Variants in SCN8A observed in about 807,000 individuals in gnomAD.
The protein encoded by SCN8A is sodium channel protein type 8 subunit alpha.
A neutral mutation model predicts 184.1 loss-of-function variants in SCN8A; 30 were observed. The ratio of observed to expected loss-of-function variants is 0.16; its 90% CI spans 0.12 to 0.22. The LOEUF is 0.22. SCN8A is among the 10% of genes least tolerant of loss of function. The pLI is 1.00. For synonymous variants in SCN8A, 852 were observed against 907.0 expected, an observed-to-expected ratio of 0.94 and a Z score of 1.09; for missense variants, 1,057 against 2,498.9, an observed-to-expected ratio of 0.42 and a Z score of 12.30.
chr12:51,629,293 T>C (rs958601998), intron 1 of SCN8A, among the ~76,000 whole-genome samples: 1 of 152,166 alleles, frequency 6.6e-6, no homozygotes, highest in African/African-American at 2.4e-5. Flanking sequence ...AGTGTCTCAA[T>C]CTTGGCCTTT....
At chr12:51,593,225 C>T (rs575301150) in intron 1 of SCN8A, among the ~76,000 whole-genome samples, 6 of 152,224 alleles carry the variant, frequency 3.9e-5, no homozygotes, top group African/African-American at 1.4e-4. Flanking sequence ...GCACGCATTC[C>T]CTGTCCTAGA....
chr12:51,729,094 C>T (rs930954179), intron 12 of SCN8A, among the ~76,000 whole-genome samples: 9 of 152,152 alleles, frequency 5.9e-5, no homozygotes, highest in Admixed American at 2.0e-4. Flanking sequence ...TCTTTATTTC[C>T]ACAATACAGA....
rs771709180 is a variant in SCN8A at position 51,774,224 on chromosome 12, C to T, written c.3681C>T (p.Thr1227=). Residue 1227 remains threonine (T), a synonymous_variant, in exon 20 of 27, where the codon ACC becomes ACT. Transcript: ENST00000627620. ...FEDIYIEQRK[T]IRTILEYADK... is the part of the protein sequence containing the mutation. Reference sequence around the variant, plus strand: ...ACATCTACATTGAGCAGAGAAAGACCATCCGCACCATCCTGGAATATGCTG... The same window carrying T: ...ACATCTACATTGAGCAGAGAAAGACTATCCGCACCATCCTGGAATATGCTG... The T allele has an allele frequency of 4.3e-6, 7 of 1,613,540 alleles. No homozygotes were observed. Among genetic ancestry groups the T allele is most frequent in the Admixed American group, 1.7e-5 (1 of 59,998 alleles).
intron 2 of SCN8A, among the ~76,000 whole-genome samples, chr12:51,678,414 AAAT>A (rs1204550390): frequency 6.6e-6 from 1 of 152,196 alleles, no homozygotes; most frequent in Admixed American, 6.5e-5. Flanking sequence ...GTGAGAGAAT[AAAT>A]AATAATAGGC....
At chr12:51,766,537 A>G (rs1214864823) in intron 16 of SCN8A, among the ~76,000 whole-genome samples, 1 of 152,210 alleles carries the variant, frequency 6.6e-6, no homozygotes, top group Non-Finnish European at 1.5e-5. Flanking sequence ...GTCTGCAGAC[A>G]TTGCCAGATG....
chr12:51,631,089 G>A (rs1025968976), intron 1 of SCN8A, among the ~76,000 whole-genome samples: 1 of 152,178 alleles, frequency 6.6e-6, no homozygotes, highest in African/African-American at 2.4e-5. Context: ...TTGATATCCC[G>A]AGGGCAAGTT....
chr12:51,603,475 A>G (rs749657167), intron 1 of SCN8A, among the ~76,000 whole-genome samples: 2 of 152,224 alleles, frequency 1.3e-5, no homozygotes, highest in Non-Finnish European at 2.9e-5. Flanking sequence ...TCTGGTGATT[A>G]TGAATAGTAC....
At chr12:51,769,481 A>G (rs937281935) in intron 17 of SCN8A, 146 bp downstream of exon 17, 1 of 632,216 alleles carries the variant, frequency 1.6e-6, no homozygotes, top group African/African-American at 1.8e-5. Context: ...CCATCCCAGT[A>G]TCATTCTAGG....
Position 51,808,535 on chromosome 12 carries a change from C to T in SCN8A, c.*1106C>T, listed in dbSNP as rs1938788293. ...GGCTAAAAAAAAAATTCATTTGTATCTTGCAATATTTATGACGATCGTTTA... is the reference window on the plus strand; with the variant it reads ...GGCTAAAAAAAAAATTCATTTGTATTTTGCAATATTTATGACGATCGTTTA... On this transcript the variant is annotated 3_prime_UTR_variant, in exon 27 of 27. Coordinates refer to ENST00000627620, the MANE Select transcript of SCN8A (RefSeq NM_001330260.2). 6.6e-6 allele frequency: 1 copy of T among 152,530 alleles called. No individual in the cohort carries two copies. Among genetic ancestry groups the T allele is most frequent in the Non-Finnish European group, 1.5e-5 (1 of 68,034 alleles). 9.4% of individuals were successfully genotyped at this position (152,530 alleles called of 1,614,324 possible). A position where few individuals can be genotyped will look rare whatever the true frequency, so the allele number is the denominator to read the frequency against.
intron 23 of SCN8A, 111 bp from the exon 24 acceptor site, chr12:51,789,159 TAGGGCTCTCCC>T: frequency 9.6e-7 from 1 of 1,042,672 alleles, no homozygotes; most frequent in South Asian, 1.5e-5. Flanking sequence ...AGAAAGAATC[TAGGGCTCTCCC>T]ACCCCAAGAT....
chr12:51,623,899 A>T (rs975942386), intron 1 of SCN8A, among the ~76,000 whole-genome samples: 1 of 152,144 alleles, frequency 6.6e-6, no homozygotes, highest in African/African-American at 2.4e-5. Context: ...TTTGCTGAGA[A>T]TGATGGTTTC....
intron 14 of SCN8A, 139 bp from the exon 15 acceptor site, chr12:51,762,364 A>G (rs1942774782): frequency 5.2e-6 from 4 of 768,848 alleles, no homozygotes; most frequent in Admixed American, 5.0e-5. Context: ...TGAGACATCC[A>G]GGTATTGATA....
At position 51,617,040 on chromosome 12, in the gene SCN8A, T is replaced by G. The variant is rs143664113; in HGVS notation, c.-55+25681T>G. ...TTTCTCTTACTGCTTTCAAGATTTT[T>G]TATTTTAGTTTTCATTGGTTTGATC... is the stretch of plus-strand genomic sequence containing the variant. On this transcript the variant is annotated intron_variant, in intron 1 of 26. Transcript: ENST00000627620. 3.2e-3 allele frequency among the ~76,000 whole-genome samples: 483 copies of G among 152,348 alleles called. 4 individuals are homozygous for G. Among genetic ancestry groups the G allele is most frequent in the African/African-American group, 0.011 (457 of 41,582 alleles).
At chr12:51,625,072 T>A (rs1940049467) in intron 1 of SCN8A, among the ~76,000 whole-genome samples, 1 of 152,130 alleles carries the variant, frequency 6.6e-6, no homozygotes, top group Non-Finnish European at 1.5e-5. Context: ...GTTCACTCTT[T>A]GTAAGGTACA....
chr12:51,611,684 G>C (rs1012766232), intron 1 of SCN8A, among the ~76,000 whole-genome samples: 1 of 152,040 alleles, frequency 6.6e-6, no homozygotes, highest in African/African-American at 2.4e-5. Context: ...AGTAGAGACA[G>C]GGTTTCACCA....
At chr12:51,696,298 C>T (rs976331652) in intron 6 of SCN8A, among the ~76,000 whole-genome samples, 1 of 152,184 alleles carries the variant, frequency 6.6e-6, no homozygotes, top group African/African-American at 2.4e-5. Context: ...TTAAATCAGT[C>T]TATGACTTTG....
At chr12:51,728,976 T>G (rs1227643179) in intron 12 of SCN8A, among the ~76,000 whole-genome samples, 2 of 152,134 alleles carry the variant, frequency 1.3e-5, no homozygotes, top group African/African-American at 2.4e-5. Context: ...TCTTTGCCAC[T>G]CCTCTGCCTG....
chr12:51,659,745 T>G (rs948515163), intron 1 of SCN8A, among the ~76,000 whole-genome samples: 1 of 152,144 alleles, frequency 6.6e-6, no homozygotes, highest in African/African-American at 2.4e-5. Flanking sequence ...AGGGCAATAC[T>G]ATTGAAAATG....
intron 20 of SCN8A, among the ~76,000 whole-genome samples, chr12:51,778,692 T>A (rs2138887194): frequency 6.6e-6 from 1 of 152,330 alleles, no homozygotes; most frequent in South Asian, 2.1e-4. Context: ...ATTGTGTGTG[T>A]GCAATTCACA....
Sources: gnomAD v4.1 joint callset for allele counts (sites outside exome capture counted in the v4.1 genomes callset) on GRCh38, gnomAD v4.1.1 for gene constraint, MANE v1.5 for transcripts, NCBI Gene and HGNC (gene_info 2026-07-23, HGNC 2026-07-21) for gene names.